The following CHKA variants were observed in gnomAD, a reference collection of about 807,000 sequenced individuals.
The protein encoded by CHKA is CHETK-alpha.
CHKA carries 34 observed loss-of-function variants against 60.1 expected under a neutral mutation model. The ratio of observed to expected loss-of-function variants is 0.57; its 90% CI spans 0.43 to 0.75. The LOEUF (loss-of-function observed/expected upper bound fraction) is 0.75, where lower values mean the gene tolerates loss of function less well. Ranked by LOEUF, CHKA falls within the 30% of genes least tolerant of loss-of-function variation. CHKA has a pLI of 0.00. For missense variants in CHKA, 563 were observed against 561.3 expected (o/e 1.00, Z -0.03); for synonymous variants, 217 against 223.1 (o/e 0.97, Z 0.24).
At chr11:68,092,273 C>A (rs983586795) in intron 2 of CHKA, among the ~76,000 whole-genome samples, 3 of 152,158 alleles carry the variant, frequency 2.0e-5, no homozygotes, top group Non-Finnish European at 4.4e-5. Context: ...CAAATCTTGA[C>A]AATTTTTTAT....
chr11:68,089,568 G>C (rs1857287899), intron 2 of CHKA, among the ~76,000 whole-genome samples: 1 of 152,122 alleles, frequency 6.6e-6, no homozygotes, highest in Non-Finnish European at 1.5e-5. Context: ...CTAAATGTTT[G>C]TCATTTTCTA....
At chr11:68,088,110 CAAAAAAAAAAAAA>C (rs55932145) in intron 2 of CHKA, among the ~76,000 whole-genome samples, 5 of 71,242 alleles carry the variant, frequency 7.0e-5, no homozygotes, top group East Asian at 9.0e-4. Flanking sequence ...GAGGCTGTCT[CAAAAAAAAAAAAA>C]AAAAAAAAAA....
chr11:68,080,024 ACT>A (rs1856927248), intron 3 of CHKA, among the ~76,000 whole-genome samples: 1 of 152,244 alleles, frequency 6.6e-6, no homozygotes, highest in Non-Finnish European at 1.5e-5. Flanking sequence ...GTCAAATGCT[ACT>A]GAGAAGTCAA....
chr11:68,119,681 G>A (rs1191591905), intron 1 of CHKA, among the ~76,000 whole-genome samples: 2 of 152,066 alleles, frequency 1.3e-5, no homozygotes, highest in Non-Finnish European at 2.9e-5. Context: ...TGTTGGCCAG[G>A]CTGGTCTCGA....
At chr11:68,107,906 T>C (rs1857974984) in intron 1 of CHKA, among the ~76,000 whole-genome samples, 2 of 152,126 alleles carry the variant, frequency 1.3e-5, no homozygotes, top group Non-Finnish European at 2.9e-5. Flanking sequence ...CACATTAAGA[T>C]GTGTAAATAC....
chr11:68,057,004 G>C (rs1386261967), intron 11 of CHKA, among the ~76,000 whole-genome samples: 2 of 152,202 alleles, frequency 1.3e-5, no homozygotes, highest in East Asian at 3.8e-4. Flanking sequence ...TGTTGGAAGT[G>C]GGGGGCAGTC....
chr11:68,100,123 G>T (rs1857654171), intron 1 of CHKA, among the ~76,000 whole-genome samples: 1 of 152,116 alleles, frequency 6.6e-6, no homozygotes, highest in South Asian at 2.1e-4. Flanking sequence ...AATAAAATGT[G>T]GTAGGAAGAA....
At chr11:68,079,066 T>C (rs1856887829) in intron 3 of CHKA, among the ~76,000 whole-genome samples, 1 of 151,586 alleles carries the variant, frequency 6.6e-6, no homozygotes, top group African/African-American at 2.4e-5. Context: ...CCCGAGTAGC[T>C]AGGACTATAG....
chr11:68,083,744 A>G (rs1857063458), intron 2 of CHKA, among the ~76,000 whole-genome samples: 1 of 152,128 alleles, frequency 6.6e-6, no homozygotes, highest in South Asian at 2.1e-4. Context: ...CCCCAGATGA[A>G]TTCATCACTT....
At chr11:68,085,875 C>G (rs1857162354) in intron 2 of CHKA, among the ~76,000 whole-genome samples, 1 of 152,058 alleles carries the variant, frequency 6.6e-6, no homozygotes, top group Non-Finnish European at 1.5e-5. Flanking sequence ...GCGATTCTCC[C>G]ACCTCAGCCT....
Position 68,070,814 on chromosome 11 carries a change from G to A in CHKA, c.674C>T (p.Ser225Phe), listed in dbSNP as rs1172676632. Residue 225 changes from serine (S) to phenylalanine (F), a missense_variant, in exon 5 of 12, where the codon TCT becomes TTT. Ser to Phe is a radical substitution (Grantham distance 155). Coordinates refer to ENST00000265689, the MANE Select transcript of CHKA (RefSeq NM_001277.3). Reference protein sequence around the residue: ...DTEELSLPDISAEIAEKMATF... With the variant: ...DTEELSLPDIFAEIAEKMATF... ...AGCCATTTTCTCGGCGATTTCTGCAGAAATATCTGGCAAACTTAATTCTTC... is the reference window on the plus strand; with the variant it reads ...AGCCATTTTCTCGGCGATTTCTGCAAAAATATCTGGCAAACTTAATTCTTC... 3 of 1,612,774 alleles carry A rather than the reference G, an allele frequency of 1.9e-6. No homozygotes were observed. Among genetic ancestry groups the A allele is most frequent in the Admixed American group, 1.7e-5 (1 of 59,988 alleles).
chr11:68,057,277 T>C (rs897273408), intron 11 of CHKA, among the ~76,000 whole-genome samples: 3 of 152,230 alleles, frequency 2.0e-5, no homozygotes, highest in Non-Finnish European at 2.9e-5. Flanking sequence ...TTATGGCTAG[T>C]GCTTTATGTA....
intron 11 of CHKA, among the ~76,000 whole-genome samples, chr11:68,056,252 G>A (rs1856010833): frequency 6.6e-6 from 1 of 152,016 alleles, no homozygotes; most frequent in African/African-American, 2.4e-5. Flanking sequence ...GTGTGTTTTT[G>A]TCCAGGGTCC....
chr11:68,119,474 CTTTG>C (rs987654753), intron 1 of CHKA, among the ~76,000 whole-genome samples: 10 of 152,016 alleles, frequency 6.6e-5, no homozygotes, highest in Admixed American at 3.3e-4. Flanking sequence ...GGAACACGTT[CTTTG>C]TTTTTGTTTT....
At chr11:68,059,705 A>T (rs368256950) in intron 11 of CHKA, among the ~76,000 whole-genome samples, 1 of 152,164 alleles carries the variant, frequency 6.6e-6, no homozygotes, top group Non-Finnish European at 1.5e-5. Flanking sequence ...TTTTCTAGCT[A>T]TCTTTTGTTG....
intron 3 of CHKA, among the ~76,000 whole-genome samples, chr11:68,079,838 T>C (rs1410515658): frequency 6.6e-6 from 1 of 151,952 alleles, no homozygotes; most frequent in Non-Finnish European, 1.5e-5. Flanking sequence ...GGAGGAAGAA[T>C]GTAGCGGCCC....
chr11:68,065,866 C>A lies in CHKA; in HGVS notation c.1045G>T (p.Glu349Ter). 2 of 1,602,056 alleles carry A rather than the reference C, an allele frequency of 1.2e-6. No individual in the cohort carries two copies. The highest frequency in any genetic ancestry group is 1.7e-6 in the Non-Finnish European group (2 of 1,170,346). The stretch of plus-strand genomic sequence containing the variant: ...TCATAGCTATAATCATACATCCACT[C>A]ACAGAAGTGATTTCCAATGTCGAAT... ...RGFDIGNHFC[E>*]WMYDYSYEKY... The change falls in exon 9 of 12, where the codon GAG (glutamate) becomes TAG (stop). Residue 349 changes from glutamate to a stop codon, truncating the protein, a stop_gained. Coordinates refer to ENST00000265689, the MANE Select transcript of CHKA (RefSeq NM_001277.3). LOFTEE classifies it high-confidence loss of function.
chr11:68,065,777 A>G lies in CHKA; in HGVS notation c.1125+9T>C, dbSNP rs773374420. 1.3e-6 allele frequency: 2 copies of G among 1,559,838 alleles called. No individual in the cohort carries two copies. Among genetic ancestry groups the G allele is most frequent in the East Asian group, 2.3e-5 (1 of 44,040 alleles). On this transcript the variant is annotated intron_variant, in intron 9 of 11. Transcript: ENST00000265689. ...TTTCCTATCAAGTATACAAAAACTC[A>G]TCTCCTACCTGTTGTTTCTTGGTGG...
At chr11:68,119,196 GTTTTC>G (rs1858510087) in intron 1 of CHKA, among the ~76,000 whole-genome samples, 1 of 152,154 alleles carries the variant, frequency 6.6e-6, no homozygotes, top group Admixed American at 6.6e-5. Flanking sequence ...AACAGCCTCG[GTTTTC>G]TTTTCTCTGC....
Sources: allele counts gnomAD v4.1 joint callset (sites outside exome capture counted in the v4.1 genomes callset), GRCh38; gene constraint gnomAD v4.1.1; transcripts MANE v1.5; gene names NCBI Gene and HGNC (gene_info 2026-07-23, HGNC 2026-07-21).